The following LRRC8C variants were observed in gnomAD, a reference collection of about 807,000 sequenced individuals.
LRRC8C encodes volume-regulated anion channel subunit LRRC8C.
Under a neutral mutation model 55.3 loss-of-function variants are expected in LRRC8C, and 20 were observed. That is an observed-to-expected ratio of 0.36 (90% CI 0.25 to 0.53). LRRC8C has a LOEUF of 0.53. LRRC8C is among the 20% of genes least tolerant of loss of function. The pLI, the probability that LRRC8C is intolerant of heterozygous loss-of-function variation, is 0.92. For synonymous variants in LRRC8C, 376 were observed against 360.7 expected (o/e 1.04, Z -0.48); for missense variants, 659 against 951.4 (o/e 0.69, Z 4.04).
intron 2 of LRRC8C, among the ~76,000 whole-genome samples, chr1:89,688,043 A>G (rs1036420309): frequency 5.3e-5 from 8 of 152,168 alleles, no homozygotes; most frequent in Non-Finnish European, 1.2e-4. Context: ...CTCACTTACA[A>G]ATGAGACACC....
chr1:89,682,101 CG>C (rs1204869881), intron 1 of LRRC8C, among the ~76,000 whole-genome samples: 1 of 152,010 alleles, frequency 6.6e-6, no homozygotes, highest in Non-Finnish European at 1.5e-5. Context: ...GGCGTGAACC[CG>C]GGAGGCGGAG....
At position 89,707,417 on chromosome 1, in the gene LRRC8C, A is replaced by AC. The variant is rs557795961; in HGVS notation, c.139-5292_139-5291insC. Among the ~76,000 whole-genome samples the AC allele has an allele frequency of 2.5e-3, 378 of 152,004 alleles. 4 individuals are homozygous for AC. Among genetic ancestry groups the AC allele is most frequent in the African/African-American group, 8.8e-3 (362 of 41,306 alleles). Reference sequence around the variant, plus strand: ...GCAAGACTCCATCTAAAAAAAACAAAAACAAAAAAACAGATCCAGAGGATA... The same window carrying AC: ...GCAAGACTCCATCTAAAAAAAACAAACAACAAAAAAACAGATCCAGAGGATA... On this transcript the variant is annotated intron_variant, in intron 2 of 2. Coordinates refer to ENST00000370454, the MANE Select transcript of LRRC8C (RefSeq NM_032270.5).
intron 1 of LRRC8C, among the ~76,000 whole-genome samples, chr1:89,664,234 G>A (rs541067678): frequency 2.0e-5 from 3 of 152,062 alleles, no homozygotes; most frequent in Non-Finnish European, 2.9e-5. Context: ...TGTCCTGAAT[G>A]GTATTGTCTA....
intron 1 of LRRC8C, among the ~76,000 whole-genome samples, chr1:89,634,162 C>T (rs1416020320): frequency 1.3e-5 from 2 of 152,194 alleles, no homozygotes; most frequent in Non-Finnish European, 2.9e-5. Flanking sequence ...TTGCAACAGC[C>T]GGACACCTAG....
At chr1:89,691,001 T>C (rs543211011) in intron 2 of LRRC8C, among the ~76,000 whole-genome samples, 49 of 152,322 alleles carry the variant, frequency 3.2e-4, no homozygotes, top group Non-Finnish European at 6.2e-4. Flanking sequence ...AAAAGAAATA[T>C]TGCTTCAGAA....
At chr1:89,700,639 TTAGG>T (rs2101325584) in intron 2 of LRRC8C, among the ~76,000 whole-genome samples, 1 of 152,324 alleles carries the variant, frequency 6.6e-6, no homozygotes, top group Admixed American at 6.5e-5. Context: ...TATATCCTTC[TTAGG>T]TCAACAGGGA....
chr1:89,711,124 C>T (rs1658637003), intron 2 of LRRC8C, among the ~76,000 whole-genome samples: 1 of 152,202 alleles, frequency 6.6e-6, no homozygotes, highest in Admixed American at 6.5e-5. Flanking sequence ...GAAGAGGTGT[C>T]CTGCACACCC....
chr1:89,664,855 T>C (rs560058526), intron 1 of LRRC8C, among the ~76,000 whole-genome samples: 1 of 152,344 alleles, frequency 6.6e-6, no homozygotes, highest in African/African-American at 2.4e-5. Flanking sequence ...AAGAGATCCT[T>C]CACATCCCTT....
chr1:89,672,377 T>C (rs1657444431), intron 1 of LRRC8C, among the ~76,000 whole-genome samples: 1 of 152,220 alleles, frequency 6.6e-6, no homozygotes, highest in South Asian at 2.1e-4. Context: ...TCCACCATAA[T>C]GCATGATTCA....
chr1:89,700,185 C>CCT (rs1399364644), intron 2 of LRRC8C, among the ~76,000 whole-genome samples: 3 of 152,158 alleles, frequency 2.0e-5, no homozygotes, highest in Admixed American at 6.5e-5. Context: ...CCCTCTCTCT[C>CCT]CCCAAATGCA....
rs1444569381 is a variant in LRRC8C, at chr1:89,685,313, T to A, written c.-4-1157T>A. On this transcript the variant is annotated intron_variant, in intron 1 of 2. Transcript: ENST00000370454. ...TTTTGTATTTTTAGTAGAGACGGGG[T>A]TTCACGTTAGCCAGGATGGTCTTGA... Among the ~76,000 whole-genome samples the A allele has an allele frequency of 1.2e-3, 4 of 3,244 alleles. No homozygotes were observed. In the Non-Finnish European group the frequency reaches 0.032, roughly 26 times the overall value. 2.1% of individuals were successfully genotyped at this position (3,244 alleles called of 152,430 possible).
chr1:89,692,309 C>T (rs1278752005), intron 2 of LRRC8C, among the ~76,000 whole-genome samples: 2 of 152,160 alleles, frequency 1.3e-5, no homozygotes, highest in Admixed American at 6.5e-5. Context: ...AAGGCAAAAT[C>T]TAAGGTGAAG....
At chr1:89,710,538 T>C (rs1570744174) in intron 2 of LRRC8C, among the ~76,000 whole-genome samples, 1 of 152,238 alleles carries the variant, frequency 6.6e-6, no homozygotes. Flanking sequence ...CTCTAAGTAA[T>C]AGAAATGTTT....
chr1:89,705,343 C>T (rs148556841), intron 2 of LRRC8C, among the ~76,000 whole-genome samples: 3,362 of 150,710 alleles, frequency 0.022, 146 homozygotes, highest in African/African-American at 0.078. Context: ...TTAGTGGGTG[C>T]AGCGCACCAG....
At chr1:89,659,064 T>G (rs111746275) in intron 1 of LRRC8C, among the ~76,000 whole-genome samples, 1 of 25,830 alleles carries the variant, frequency 3.9e-5, no homozygotes. Flanking sequence ...TTTTTTTTTG[T>G]GTGTGTGTGT....
intron 1 of LRRC8C, among the ~76,000 whole-genome samples, chr1:89,646,955 G>C (rs923917184): frequency 6.6e-6 from 1 of 152,120 alleles, no homozygotes; most frequent in Non-Finnish European, 1.5e-5. Flanking sequence ...TAAATCTGTT[G>C]ACAATCACCA....
At chr1:89,644,760 C>T (rs1656568179) in intron 1 of LRRC8C, among the ~76,000 whole-genome samples, 1 of 152,174 alleles carries the variant, frequency 6.6e-6, no homozygotes, top group Admixed American at 6.5e-5. Context: ...AAATCTTTGC[C>T]TGACCCCAGA....
chr1:89,686,545 G>A lies in LRRC8C; in HGVS notation c.72G>A (p.Trp24Ter). 1 of 1,614,168 alleles carries A rather than the reference G, an allele frequency of 6.2e-7. No individual in the cohort carries two copies. Among genetic ancestry groups the A allele is most frequent in the Non-Finnish European group, 8.5e-7 (1 of 1,180,022 alleles). ...QPAFRVLKPW[W>*]DVFTDYLSVA... is the part of the protein sequence containing the mutation. Reference sequence around the variant, plus strand: ...CCTTCCGAGTGCTGAAGCCATGGTGGGATGTGTTTACCGATTACCTCTCAG... The same window carrying A: ...CCTTCCGAGTGCTGAAGCCATGGTGAGATGTGTTTACCGATTACCTCTCAG... Residue 24 changes from tryptophan to a stop codon, truncating the protein, a stop_gained, in exon 2 of 3, where the codon TGG (tryptophan) becomes TGA (stop). Coordinates refer to ENST00000370454, the MANE Select transcript of LRRC8C (RefSeq NM_032270.5). LOFTEE classifies it high-confidence loss of function.
chr1:89,632,605 A>C (rs1483709930), upstream of LRRC8C: 1 of 152,144 alleles, frequency 6.6e-6, no homozygotes, highest in East Asian at 1.9e-4. Context: ...TGGCCTTCGG[A>C]GGAGTTCCCA....
Sources: gnomAD v4.1 joint callset for allele counts (sites outside exome capture counted in the v4.1 genomes callset) on GRCh38, gnomAD v4.1.1 for gene constraint, MANE v1.5 for transcripts, NCBI Gene and HGNC (gene_info 2026-07-23, HGNC 2026-07-21) for gene names.